The following PRKCB variants were observed in gnomAD, a reference collection of about 807,000 sequenced individuals.
The protein encoded by PRKCB is protein kinase C beta.
Under a neutral mutation model 81.5 loss-of-function variants are expected in PRKCB, and 13 were observed. That is an observed-to-expected ratio of 0.16 (90% CI 0.10 to 0.25). The LOEUF (loss-of-function observed/expected upper bound fraction) is 0.25, where lower values mean the gene tolerates loss of function less well. Ranked by LOEUF, PRKCB falls within the 10% of genes least tolerant of loss-of-function variation. The pLI is 1.00. For synonymous variants in PRKCB, 335 were observed against 321.4 expected (o/e 1.04, Z -0.45); for missense variants, 509 against 875.7 (o/e 0.58, Z 5.29).
At chr16:24,176,164 ATCTTAT>A in intron 12 of PRKCB, among the ~76,000 whole-genome samples, 1 of 151,984 alleles carries the variant, frequency 6.6e-6, no homozygotes, top group African/African-American at 2.4e-5. Context: ...GGGAAGGATG[ATCTTAT>A]TCTGAGGGCA....
At chr16:23,913,246 A>G (rs6497704) in intron 2 of PRKCB, among the ~76,000 whole-genome samples, 140,308 of 151,932 alleles carry the variant, frequency 0.92, 64,990 homozygotes, top group East Asian at 1. Flanking sequence ...AAGCCGAGAG[A>G]ACACAAGGGG....
At chr16:24,159,694 A>T (rs949826936) in intron 10 of PRKCB, among the ~76,000 whole-genome samples, 4 of 152,170 alleles carry the variant, frequency 2.6e-5, no homozygotes, top group Non-Finnish European at 4.4e-5. Flanking sequence ...TTTGGCTTAT[A>T]GAATATTTTC....
intron 3 of PRKCB, among the ~76,000 whole-genome samples, chr16:23,994,433 G>A (rs1449428780): frequency 6.6e-6 from 1 of 152,190 alleles, no homozygotes; most frequent in Non-Finnish European, 1.5e-5. Context: ...GATGGGTGAA[G>A]CCAAGAGGAA....
chr16:24,098,315 CAGA>C (rs1415508828), intron 7 of PRKCB: 10 of 152,146 alleles, frequency 6.6e-5, no homozygotes, highest in Non-Finnish European at 2.9e-5. Flanking sequence ...AATGATTCCA[CAGA>C]AGGTTTGATA....
Position 24,100,597 on chromosome 16 carries a change from C to T in PRKCB, c.821+6300C>T, listed in dbSNP as rs897939205. Among the ~76,000 whole-genome samples the T allele has an allele frequency of 9.2e-5, 14 of 152,232 alleles. No individual in the cohort carries two copies. The East Asian group carries it at 1.2e-3, about 13-fold the overall frequency. On this transcript the variant is annotated intron_variant, in intron 7 of 16. Transcript: ENST00000643927. ...ATAGGTCTCTGGCCAGCGTTCCAGCCGAGGAGGAGGGAAACCCACCTCTCC... is the reference window on the plus strand; with the variant it reads ...ATAGGTCTCTGGCCAGCGTTCCAGCTGAGGAGGAGGGAAACCCACCTCTCC...
chr16:24,073,778 G>T lies in PRKCB; in HGVS notation c.530-19013G>T, dbSNP rs185429154. Among the ~76,000 whole-genome samples the T allele has an allele frequency of 3.9e-5, 6 of 152,186 alleles. No individual in the cohort carries two copies. The East Asian group carries it at 1.2e-3, about 29-fold the overall frequency. ...TGAGATGGAAAGATGCTATTTTGGG[G>T]GTAAATATGTTGATCTTTTCCAGAA... On this transcript the variant is annotated intron_variant, in intron 5 of 16. Coordinates refer to ENST00000643927, the MANE Select transcript of PRKCB (RefSeq NM_002738.7).
At chr16:23,935,319 T>C (rs1334192314) in intron 2 of PRKCB, among the ~76,000 whole-genome samples, 1 of 152,204 alleles carries the variant, frequency 6.6e-6, no homozygotes, top group Non-Finnish European at 1.5e-5. Flanking sequence ...GGGGAAATAA[T>C]CTGTACTTTC....
chr16:24,136,588 C>T (rs198200), intron 9 of PRKCB, among the ~76,000 whole-genome samples: 1 of 152,038 alleles, frequency 6.6e-6, no homozygotes, highest in African/African-American at 2.4e-5. Flanking sequence ...TGATGCTTCT[C>T]AAGTCTCCAT....
chr16:23,874,781 C>CACAG (rs1312124022), intron 2 of PRKCB, among the ~76,000 whole-genome samples: 1 of 152,206 alleles, frequency 6.6e-6, no homozygotes, highest in Non-Finnish European at 1.5e-5. Context: ...TGGCAGCCCT[C>CACAG]TCAGACTGCT....
At chr16:23,958,273 T>TGA (rs1320531003) in intron 2 of PRKCB, among the ~76,000 whole-genome samples, 1 of 152,170 alleles carries the variant, frequency 6.6e-6, no homozygotes, top group African/African-American at 2.4e-5. Context: ...ATTACAAGTG[T>TGA]GAGCCACTGC....
chr16:23,970,137 C>T (rs756940036), intron 2 of PRKCB, among the ~76,000 whole-genome samples: 6 of 152,256 alleles, frequency 3.9e-5, no homozygotes, highest in Admixed American at 2.6e-4. Flanking sequence ...GGTATTAAAA[C>T]GTGACAAGAA....
chr16:24,059,723 A>G (rs11645799), intron 5 of PRKCB, among the ~76,000 whole-genome samples: 118 of 152,314 alleles, frequency 7.7e-4, no homozygotes, highest in Middle Eastern at 6.8e-3. Context: ...ATGAAGGGGA[A>G]CCAGCCGAGT....
At chr16:23,891,617 T>G (rs991548894) in intron 2 of PRKCB, among the ~76,000 whole-genome samples, 10 of 152,230 alleles carry the variant, frequency 6.6e-5, no homozygotes, top group African/African-American at 2.4e-4. Flanking sequence ...GGAGCTATTA[T>G]GATTATTTAT....
intron 4 of PRKCB, 64 bp from the exon 5 acceptor site, chr16:24,035,355 G>A (rs553046976): frequency 6.3e-7 from 1 of 1,576,622 alleles, no homozygotes; most frequent in South Asian, 1.2e-5. Flanking sequence ...CTTGGGTGGG[G>A]CAGATGTCTG....
chr16:23,874,565 TCTC>T (rs147816761), intron 2 of PRKCB, among the ~76,000 whole-genome samples: 14,385 of 79,122 alleles, frequency 0.18, 824 homozygotes, highest in Middle Eastern at 0.23. Context: ...CAGATTCTTC[TCTC>T]TTTTTTTTTT....
At chr16:24,069,521 T>C (rs1255186025) in intron 5 of PRKCB, among the ~76,000 whole-genome samples, 1 of 152,068 alleles carries the variant, frequency 6.6e-6, no homozygotes, top group African/African-American at 2.4e-5. Context: ...GGTGGGAAGA[T>C]TGCTTGAGCC....
chr16:24,157,450 C>T (rs935804842), intron 10 of PRKCB, among the ~76,000 whole-genome samples: 4 of 151,972 alleles, frequency 2.6e-5, no homozygotes, highest in Non-Finnish European at 5.9e-5. Flanking sequence ...TACCCCACTT[C>T]GCTCTGCACT....
At chr16:23,879,687 T>A (rs1963075120) in intron 2 of PRKCB, among the ~76,000 whole-genome samples, 1 of 151,806 alleles carries the variant, frequency 6.6e-6, no homozygotes, top group Non-Finnish European at 1.5e-5. Context: ...AGAGACGGGG[T>A]TTCACCATGT....
At chr16:23,893,882 G>A (rs1323461865) in intron 2 of PRKCB, 1 of 152,206 alleles carries the variant, frequency 6.6e-6, no homozygotes, top group African/African-American at 2.4e-5. Context: ...TTTATGGAAA[G>A]CTATTTCTGA....
Sources: gnomAD v4.1 joint callset for allele counts (sites outside exome capture counted in the v4.1 genomes callset) on GRCh38, gnomAD v4.1.1 for gene constraint, MANE v1.5 for transcripts, NCBI Gene and HGNC (gene_info 2026-07-23, HGNC 2026-07-21) for gene names.